The following SPOCK3 variants were observed in gnomAD, a reference collection of about 807,000 sequenced individuals.
SPOCK3 encodes the protein testican-3.
In SPOCK3, 30 loss-of-function variants were observed where a neutral mutation model predicts 56.6. That is an observed-to-expected ratio of 0.53 (90% CI 0.40 to 0.72). The LOEUF (loss-of-function observed/expected upper bound fraction) is 0.72. SPOCK3 is among the 30% of genes least tolerant of loss of function. The pLI, the probability that SPOCK3 is intolerant of heterozygous loss-of-function variation, is 0.00. For missense variants in SPOCK3, 527 were observed against 530.0 expected (o/e 0.99, Z 0.06); for synonymous variants, 196 against 183.3 (o/e 1.07, Z -0.56).
chr4:167,222,910 GAT>G (rs1002364608), intron 2 of SPOCK3, among the ~76,000 whole-genome samples: 21 of 124,694 alleles, frequency 1.7e-4, no homozygotes, highest in Non-Finnish European at 2.5e-4. Context: ...TATAAACATA[GAT>G]ATGTTTATAT....
rs1028695610 is a variant in SPOCK3, at chr4:166,797,233, C to CTTTTTTTTTTTTTTTTTTTTTTTTTTTTT, written c.590-4945_590-4944insAAAAAAAAAAAAAAAAAAAAAAAAAAAAA. On this transcript the variant is annotated intron_variant, in intron 6 of 10. Transcript: ENST00000357545. ...TTAAGTGGCATGGATTTCCACCTTT[C>CTTTTTTTTTTTTTTTTTTTTTTTTTTTTT]TTTTTTTTTTTTTTTTTTTTTGAGA... Among the ~76,000 whole-genome samples the CTTTTTTTTTTTTTTTTTTTTTTTTTTTTT allele has an allele frequency of 6.2e-5, 5 of 80,752 alleles. No homozygotes were observed. The East Asian group carries it at 2.1e-3, about 34-fold the overall frequency. The allele number at this position is 80,752 out of a possible 152,430, so 53.0% of individuals were successfully genotyped here. A position where few individuals can be genotyped will look rare whatever the true frequency, so the allele number is the denominator to read the frequency against.
chr4:167,019,794 C>A (rs1001671168), intron 3 of SPOCK3, among the ~76,000 whole-genome samples: 24 of 152,164 alleles, frequency 1.6e-4, no homozygotes, highest in Non-Finnish European at 3.4e-4. Context: ...AGAATTATAA[C>A]CGTGTGACTG....
chr4:166,903,421 A>T (rs1736273130), intron 5 of SPOCK3, among the ~76,000 whole-genome samples: 2 of 152,060 alleles, frequency 1.3e-5, no homozygotes, highest in Admixed American at 6.6e-5. Context: ...CATCAACATT[A>T]TACCATAATA....
At chr4:167,047,050 T>C (rs779283890) in intron 3 of SPOCK3, among the ~76,000 whole-genome samples, 3 of 152,166 alleles carry the variant, frequency 2.0e-5, no homozygotes, top group Admixed American at 6.6e-5. Context: ...GACGAGCTTA[T>C]GATCTCAATC....
intron 2 of SPOCK3, among the ~76,000 whole-genome samples, chr4:167,110,527 T>A (rs1040164627): frequency 2.6e-4 from 39 of 152,098 alleles, no homozygotes; most frequent in Admixed American, 7.2e-4. Context: ...AAATTACAGA[T>A]TCTTAATCAA....
At chr4:167,058,795 A>T (rs1424773869) in intron 3 of SPOCK3, among the ~76,000 whole-genome samples, 1 of 152,184 alleles carries the variant, frequency 6.6e-6, no homozygotes, top group East Asian at 1.9e-4. Context: ...ACTGGTACCA[A>T]AACAGAGATA....
chr4:167,000,521 T>A, intron 3 of SPOCK3, 58 bp from the exon 4 acceptor site: 1 of 809,116 alleles, frequency 1.2e-6, no homozygotes, highest in Non-Finnish European at 2.0e-6. Context: ...AGGTATCAAA[T>A]CCCATCAAAC....
chr4:166,881,997 A>G (rs1056263280), intron 6 of SPOCK3, among the ~76,000 whole-genome samples: 2 of 152,148 alleles, frequency 1.3e-5, no homozygotes, highest in Non-Finnish European at 2.9e-5. Flanking sequence ...ATATTTTTTA[A>G]GATACGTACT....
chr4:167,062,742 T>A lies in SPOCK3; in HGVS notation c.190-205A>T, dbSNP rs558692569. The stretch of plus-strand genomic sequence containing the variant: ...ATAGTTATCAAAAAGGAACACACTG[T>A]TTTCAAGTTACAGAAATGTCTTTCA... On this transcript the variant is annotated intron_variant, in intron 2 of 10. Coordinates refer to ENST00000357545, the MANE Select transcript of SPOCK3 (RefSeq NM_001040159.2). 6 of 519,052 alleles carry A rather than the reference T, an allele frequency of 1.2e-5. No individual in the cohort carries two copies. The South Asian group carries it at 1.7e-4, about 15-fold the overall frequency. The allele number at this position is 519,052 out of a possible 1,614,324, so 32.2% of individuals were successfully genotyped here.
In SPOCK3 at chr4:166,844,297, G is replaced by C. The variant is rs1029269280; in HGVS notation, c.589+44833C>G. Among the ~76,000 whole-genome samples, 3 of 152,126 alleles carry C rather than the reference G, an allele frequency of 2.0e-5. No homozygotes were observed. The East Asian group carries it at 5.8e-4, about 29-fold the overall frequency. On this transcript the variant is annotated intron_variant, in intron 6 of 10. Coordinates refer to ENST00000357545, the MANE Select transcript of SPOCK3 (RefSeq NM_001040159.2). Reference sequence around the variant, plus strand: ...AATAGGGTATGATATGCCTACCTTAGAGTATTTTTGTAGTGACTACAGGAA... The same window carrying C: ...AATAGGGTATGATATGCCTACCTTACAGTATTTTTGTAGTGACTACAGGAA...
chr4:167,143,870 T>C (rs978271570), intron 2 of SPOCK3, among the ~76,000 whole-genome samples: 1 of 151,870 alleles, frequency 6.6e-6, no homozygotes, highest in African/African-American at 2.4e-5. Context: ...AACAAAATAA[T>C]AGACATGAAC....
At chr4:166,889,341 T>A in intron 5 of SPOCK3, 97 bp from the exon 6 acceptor site, 1 of 729,384 alleles carries the variant, frequency 1.4e-6, no homozygotes, top group Non-Finnish European at 2.3e-6. Context: ...TTGATGCATA[T>A]AATTTGGAGA....
intron 2 of SPOCK3, among the ~76,000 whole-genome samples, chr4:167,173,061 C>T (rs12649263): frequency 0.12 from 18,780 of 151,960 alleles, 1,372 homozygotes; most frequent in East Asian, 0.2. Flanking sequence ...TTCATTAGCA[C>T]GAGGCATTTG....
chr4:166,800,104 C>A (rs1742391766), intron 6 of SPOCK3, among the ~76,000 whole-genome samples: 2 of 147,098 alleles, frequency 1.4e-5, no homozygotes, highest in Non-Finnish European at 1.5e-5. Flanking sequence ...ATGGCGTGAA[C>A]CCGGGAGGCG....
intron 2 of SPOCK3, among the ~76,000 whole-genome samples, chr4:167,203,443 G>A (rs1733711453): frequency 6.6e-6 from 1 of 151,584 alleles, no homozygotes; most frequent in African/African-American, 2.4e-5. Flanking sequence ...GCTAAAAATA[G>A]CAAGTATTAA....
At chr4:166,870,389 C>T (rs1480917676) in intron 6 of SPOCK3, among the ~76,000 whole-genome samples, 2 of 152,022 alleles carry the variant, frequency 1.3e-5, no homozygotes, top group Non-Finnish European at 2.9e-5. Context: ...TTACAGAATA[C>T]TCCATCCCAA....
chr4:167,155,524 T>G (rs903501610), intron 2 of SPOCK3, among the ~76,000 whole-genome samples: 7 of 152,152 alleles, frequency 4.6e-5, no homozygotes. Flanking sequence ...AAACAACACA[T>G]GAGATACAGT....
intron 6 of SPOCK3, among the ~76,000 whole-genome samples, chr4:166,883,877 CAT>C: frequency 6.6e-6 from 1 of 152,206 alleles, no homozygotes; most frequent in Middle Eastern, 3.4e-3. Context: ...ACCGCTAAAA[CAT>C]AAAGGAATGG....
chr4:166,745,031 T>C (rs1254685899), intron 8 of SPOCK3, among the ~76,000 whole-genome samples: 1 of 152,064 alleles, frequency 6.6e-6, no homozygotes, highest in Admixed American at 6.6e-5. Flanking sequence ...GTGAAAGTGA[T>C]GGGGAGAATG....
Sources: allele counts gnomAD v4.1 joint callset (sites outside exome capture counted in the v4.1 genomes callset), GRCh38; gene constraint gnomAD v4.1.1; transcripts MANE v1.5; gene names NCBI Gene and HGNC (gene_info 2026-07-23, HGNC 2026-07-21).